SYN2: variants seen among roughly 807,000 people sequenced by gnomAD.
The protein encoded by SYN2 is synapsin-2.
A neutral mutation model predicts 50.9 loss-of-function variants in SYN2; 19 were observed. The ratio of observed to expected loss-of-function variants is 0.37; its 90% CI spans 0.26 to 0.55. The LOEUF is 0.55. Ranked by LOEUF, SYN2 falls within the 20% of genes least tolerant of loss-of-function variation. The pLI is 0.81. For missense variants in SYN2, 587 were observed against 576.4 expected, an observed-to-expected ratio of 1.02 and a Z score of -0.19; for synonymous variants, 255 against 224.9, an observed-to-expected ratio of 1.13 and a Z score of -1.20.
At chr3:12,171,523 T>C (rs1324911987) in intron 10 of SYN2, among the ~76,000 whole-genome samples, 1 of 152,192 alleles carries the variant, frequency 6.6e-6, no homozygotes, top group African/African-American at 2.4e-5. Flanking sequence ...AACCTGACAT[T>C]ACCCAGACAG....
chr3:12,102,927 C>G (rs1174717530), intron 1 of SYN2, among the ~76,000 whole-genome samples: 1 of 152,048 alleles, frequency 6.6e-6, no homozygotes, highest in Non-Finnish European at 1.5e-5. Flanking sequence ...AATGGTATTT[C>G]CAAAGTGATG....
At chr3:12,061,647 C>T (rs1673656848) in intron 1 of SYN2, among the ~76,000 whole-genome samples, 1 of 151,780 alleles carries the variant, frequency 6.6e-6, no homozygotes, top group South Asian at 2.1e-4. Flanking sequence ...TAGAAAATTG[C>T]TAGGAAATGA....
At chr3:12,146,124 C>CA (rs891191441) in intron 4 of SYN2, among the ~76,000 whole-genome samples, 1 of 152,200 alleles carries the variant, frequency 6.6e-6, no homozygotes, top group African/African-American at 2.4e-5. Context: ...AACAAAGTCG[C>CA]ACAAAGATAC....
chr3:12,153,647 C>T, intron 5 of SYN2: 1 of 1,614,178 alleles, frequency 6.2e-7, no homozygotes, highest in East Asian at 2.2e-5. Flanking sequence ...GTTCCAACAG[C>T]CAGTCTGTCC....
chr3:12,149,754 C>T (rs1002365574), intron 4 of SYN2, among the ~76,000 whole-genome samples: 2 of 152,064 alleles, frequency 1.3e-5, no homozygotes, highest in African/African-American at 4.8e-5. Context: ...AAGGGAGGGA[C>T]CTAGGAATTC....
chr3:12,171,849 A>G (rs1697944187), intron 10 of SYN2, among the ~76,000 whole-genome samples: 1 of 152,214 alleles, frequency 6.6e-6, no homozygotes. Context: ...AATTTATAGA[A>G]CAAAATTTTC....
chr3:12,080,120 T>G (rs1400021056), intron 1 of SYN2, among the ~76,000 whole-genome samples: 1 of 152,192 alleles, frequency 6.6e-6, no homozygotes, highest in Non-Finnish European at 1.5e-5. Flanking sequence ...CTGATGGTTG[T>G]TTGTATTTCT....
intron 1 of SYN2, among the ~76,000 whole-genome samples, chr3:12,023,497 G>A (rs1674276429): frequency 6.6e-6 from 1 of 152,092 alleles, no homozygotes; most frequent in African/African-American, 2.4e-5. Flanking sequence ...CTGAGAGGAT[G>A]GTGAAAAGAG....
At chr3:12,149,875 T>C (rs934771031) in intron 4 of SYN2, among the ~76,000 whole-genome samples, 2 of 152,158 alleles carry the variant, frequency 1.3e-5, no homozygotes, top group Non-Finnish European at 2.9e-5. Flanking sequence ...GGAGGAAATA[T>C]AATAAAGAGA....
At chr3:12,156,981 C>T (rs779900052) in intron 5 of SYN2, 4 of 1,378,924 alleles carry the variant, frequency 2.9e-6, no homozygotes, top group African/African-American at 2.9e-5. Flanking sequence ...AGTGAGTGTA[C>T]TGTATATATT....
At chr3:12,088,633 A>G (rs1272341816) in intron 1 of SYN2, among the ~76,000 whole-genome samples, 1 of 150,340 alleles carries the variant, frequency 6.7e-6, no homozygotes, top group Non-Finnish European at 1.5e-5. Context: ...TATGGAAACA[A>G]TCTAAGTGTT....
Position 12,191,274 on chromosome 3 carries a change from A to G in SYN2, c.*649A>G, listed in dbSNP as rs1033492856. The G allele has an allele frequency of 1.1e-5, 8 of 759,604 alleles. No homozygotes were observed. In the African/African-American group the frequency reaches 1.5e-4, roughly 14 times the overall value. The allele number at this position is 759,604 out of a possible 1,614,324, so 47.1% of individuals were successfully genotyped here. A position where few individuals can be genotyped will look rare whatever the true frequency, so the allele number is the denominator to read the frequency against. On this transcript the variant is annotated 3_prime_UTR_variant, in exon 13 of 13. Coordinates refer to ENST00000621198, the MANE Select transcript of SYN2 (RefSeq NM_133625.6). Reference sequence around the variant, plus strand: ...AGAGTGGTTCTTATGTGCAATCTGCAGTAACCTTGAACTCCAGAGCTGCAC... The same window carrying G: ...AGAGTGGTTCTTATGTGCAATCTGCGGTAACCTTGAACTCCAGAGCTGCAC...
chr3:12,150,630 G>A (rs929591839), intron 4 of SYN2, among the ~76,000 whole-genome samples: 1 of 152,186 alleles, frequency 6.6e-6, no homozygotes, highest in African/African-American at 2.4e-5. Context: ...AGTAAGTTCA[G>A]TCCCTCGTTA....
At chr3:12,151,972 G>A (rs1267745827) in intron 5 of SYN2, among the ~76,000 whole-genome samples, 1 of 152,152 alleles carries the variant, frequency 6.6e-6, no homozygotes, top group East Asian at 1.9e-4. Flanking sequence ...TTTTTCCCGT[G>A]CAGGGACCTG....
At chr3:12,053,429 AAAAACAAAAC>A (rs201684567) in intron 1 of SYN2, among the ~76,000 whole-genome samples, 5,110 of 152,194 alleles carry the variant, frequency 0.034, 261 homozygotes, top group African/African-American at 0.11. Flanking sequence ...TCAAAAAACA[AAAAACAAAAC>A]AAAACAAAAC....
chr3:12,154,548 A>C (rs917114254), intron 5 of SYN2: 1 of 1,452,020 alleles, frequency 6.9e-7, no homozygotes, highest in Non-Finnish European at 9.4e-7. Flanking sequence ...CAGCCTCCCC[A>C]ATGACTTTGG....
At chr3:12,060,820 T>C (rs905719707) in intron 1 of SYN2, among the ~76,000 whole-genome samples, 1 of 152,142 alleles carries the variant, frequency 6.6e-6, no homozygotes, top group Admixed American at 6.5e-5. Flanking sequence ...CAATACATCA[T>C]GTCTGGCTTA....
chr3:12,078,081 C>CT (rs1464202718), intron 1 of SYN2, among the ~76,000 whole-genome samples: 1 of 152,076 alleles, frequency 6.6e-6, no homozygotes, highest in Non-Finnish European at 1.5e-5. Context: ...TGATGTTGAG[C>CT]TTTTTTTCAT....
intron 10 of SYN2, among the ~76,000 whole-genome samples, chr3:12,179,197 G>A (rs1698164173): frequency 1.3e-5 from 2 of 151,914 alleles, no homozygotes; most frequent in African/African-American, 4.8e-5. Flanking sequence ...TTTGATGGAA[G>A]CGGCACACTC....
Sources: allele counts gnomAD v4.1 joint callset (sites outside exome capture counted in the v4.1 genomes callset), GRCh38; gene constraint gnomAD v4.1.1; transcripts MANE v1.5; gene names NCBI Gene and HGNC (gene_info 2026-07-23, HGNC 2026-07-21).